The following HKDC1 variants were observed in gnomAD, a reference collection of about 807,000 sequenced individuals.
The protein encoded by HKDC1 is hexokinase domain containing 1, also known as hexokinase HKDC1.
In HKDC1, 66 loss-of-function variants were observed where a neutral mutation model predicts 96.6. That is an observed-to-expected ratio of 0.68 (90% CI 0.56 to 0.84). The LOEUF (loss-of-function observed/expected upper bound fraction) is 0.84, where lower values mean the gene tolerates loss of function less well. Ranked by LOEUF, HKDC1 falls within the 40% of genes least tolerant of loss-of-function variation. The probability of loss-of-function intolerance (pLI) is 0.00; values close to 1 mark genes in which losing one functional copy is unlikely to be tolerated. For missense variants in HKDC1, 1,211 were observed against 1,208.1 expected (o/e 1.00, Z -0.04); for synonymous variants, 466 against 473.1 (o/e 0.98, Z 0.20).
chr10:69,250,245 A>G, intron 10 of HKDC1, 45 bp from the exon 11 acceptor site: 2 of 1,588,774 alleles, frequency 1.3e-6, no homozygotes, highest in South Asian at 1.2e-5. Flanking sequence ...ATGCCCCGAC[A>G]CAAGTCCCTG....
Position 69,246,093 on chromosome 10 carries a change from T to C in HKDC1, c.890T>C (p.Ile297Thr). The C allele has an allele frequency of 6.2e-7, 1 of 1,614,168 alleles. No homozygotes were observed. Among genetic ancestry groups the C allele is most frequent in the Non-Finnish European group, 8.5e-7 (1 of 1,179,998 alleles). The change falls in exon 8 of 18, where the codon ATC becomes ACC. Residue 297 changes from isoleucine (I) to threonine (T), a missense_variant. Ile to Thr is a moderately conservative substitution (Grantham distance 89, BLOSUM62 -1). Coordinates refer to ENST00000354624, the MANE Select transcript of HKDC1 (RefSeq NM_025130.4). ...CCAACCTGCAGGTTCGAGAAGATGATCAGTGGCCTGTACCTGGGGGAGCTT... is the reference window on the plus strand; with the variant it reads ...CCAACCTGCAGGTTCGAGAAGATGACCAGTGGCCTGTACCTGGGGGAGCTT... ...NPGKQLFEKM[I>T]SGLYLGELVR...
At chr10:69,227,462 C>G (rs535890112) in intron 2 of HKDC1, 93 bp downstream of exon 2, 2 of 1,296,426 alleles carry the variant, frequency 1.5e-6, no homozygotes, top group South Asian at 2.8e-5. Context: ...CTTGGCTTCT[C>G]TCTCTAGCCC....
Position 69,232,917 on chromosome 10 carries a change from CT to C in HKDC1, c.375+6del. 1 of 1,612,226 alleles carries C rather than the reference CT, an allele frequency of 6.2e-7. No individual in the cohort carries two copies. The highest frequency in any genetic ancestry group is 8.5e-7 in the Non-Finnish European group (1 of 1,180,022). ...ATCCGCGGGAACGGCACAGAGGTAC[CT>C]GGCAGGTGGCTCCTGTGACCGCAGG... On this transcript the variant is annotated splice_donor_region_variant and intron_variant, in intron 3 of 17. Transcript: ENST00000354624.
intron 7 of HKDC1, among the ~76,000 whole-genome samples, chr10:69,243,976 C>G (rs191973059): frequency 6.6e-6 from 1 of 152,044 alleles, no homozygotes; most frequent in Non-Finnish European, 1.5e-5. Flanking sequence ...TAAGAGCACT[C>G]GGACGCTTGG....
intron 3 of HKDC1, 26 bp from the exon 4 acceptor site, chr10:69,232,988 T>C (rs778488861): frequency 1.2e-6 from 2 of 1,613,496 alleles, no homozygotes; most frequent in South Asian, 2.2e-5. Flanking sequence ...CCTTAGCCCA[T>C]GTACTTTGCT....
intron 7 of HKDC1, among the ~76,000 whole-genome samples, 198 bp from the exon 8 acceptor site, chr10:69,245,881 T>C (rs1843532849): frequency 6.6e-6 from 1 of 152,194 alleles, no homozygotes; most frequent in African/African-American, 2.4e-5. Flanking sequence ...GTCCCTATGC[T>C]CGATGTGAGA....
At chr10:69,222,320 T>C (rs1232722825) in intron 1 of HKDC1, among the ~76,000 whole-genome samples, 4 of 152,124 alleles carry the variant, frequency 2.6e-5, no homozygotes, top group Non-Finnish European at 5.9e-5. Flanking sequence ...ATTTAGAGAG[T>C]TGAGTTAGAG....
Position 69,246,158 on chromosome 10 carries a change from C to G in HKDC1, c.955C>G (p.Leu319Val). 1 of 1,614,228 alleles carries G rather than the reference C, an allele frequency of 6.2e-7. No individual in the cohort carries two copies. The highest frequency in any genetic ancestry group is 1.3e-5 in the African/African-American group (1 of 75,070). ...GCTGAAGATGGCCAAGGCTGGCCTC[C>G]TGTTTGGTGGTGAGAAATCTTCTGC... ...ILLKMAKAGL[L>V]FGGEKSSALH... The change falls in exon 8 of 18, where the codon CTG (leucine) becomes GTG (valine). Residue 319 changes from leucine to valine, a missense_variant. Transcript: ENST00000354624.
rs776156547 is a variant in HKDC1, at chr10:69,239,094, C to T, written c.548C>T (p.Thr183Met). The T allele has an allele frequency of 5.6e-5, 90 of 1,613,738 alleles. No homozygotes were observed. The highest frequency in any genetic ancestry group is 2.9e-4 in the East Asian group (13 of 44,890). The change falls in exon 5 of 18, where the codon ACG (threonine) becomes ATG (methionine). Residue 183 changes from threonine to methionine, a missense_variant. Thr to Met is a moderately conservative substitution (Grantham distance 81, BLOSUM62 -1). Coordinates refer to ENST00000354624, the MANE Select transcript of HKDC1 (RefSeq NM_025130.4). Reference protein sequence around the residue: ...KKFKARGVQDTDVVSRLTKAM... With the variant: ...KKFKARGVQDMDVVSRLTKAM... Reference sequence around the variant, plus strand: ...TTTAAGGCACGAGGAGTTCAGGACACGGATGTGGTGAGCCGTCTGACCAAA... The same window carrying T: ...TTTAAGGCACGAGGAGTTCAGGACATGGATGTGGTGAGCCGTCTGACCAAA...
Position 69,266,746 on chromosome 10 carries a change from AAGGAGAACT to A in HKDC1, c.2748_*2del, listed in dbSNP as rs775103496. On this transcript the variant is annotated stop_lost and inframe_deletion, in exon 18 of 18. Coordinates refer to ENST00000354624, the MANE Select transcript of HKDC1 (RefSeq NM_025130.4). ...GGCCAAGAGGTTACAGCAGGCACAG[AAGGAGAACT>A]AGGAACCCCTGGGATTGGACCTGAT... The A allele has an allele frequency of 2.5e-6, 4 of 1,611,884 alleles. No homozygotes were observed. The African/African-American group carries it at 5.3e-5, about 22-fold the overall frequency.
At chr10:69,242,658 G>A (rs1349571825) in intron 6 of HKDC1, among the ~76,000 whole-genome samples, 1 of 152,148 alleles carries the variant, frequency 6.6e-6, no homozygotes, top group Non-Finnish European at 1.5e-5. Flanking sequence ...TCCTTGGAGC[G>A]ATTTTGTGTT....
intron 8 of HKDC1, among the ~76,000 whole-genome samples, chr10:69,246,486 G>T (rs549479937): frequency 6.6e-6 from 1 of 152,334 alleles, no homozygotes; most frequent in East Asian, 1.9e-4. Context: ...TTGCCTTCTT[G>T]TTAAAGTGGT....
In HKDC1 at chr10:69,233,057, C is replaced by T. The variant is rs775556630; in HGVS notation, c.419C>T (p.Thr140Ile). 3.7e-6 allele frequency: 6 copies of T among 1,614,150 alleles called. No individual in the cohort carries two copies. The South Asian group carries it at 6.6e-5, about 18-fold the overall frequency. The part of the protein sequence containing the change: ...VADCLADFMK[T>I]KDLKHKKLPL... ...GACTGTCTGGCAGATTTCATGAAGACCAAAGATTTAAAGCATAAGAAATTG... is the reference window on the plus strand; with the variant it reads ...GACTGTCTGGCAGATTTCATGAAGATCAAAGATTTAAAGCATAAGAAATTG... The change falls in exon 4 of 18, where the codon ACC becomes ATC. Residue 140 changes from threonine (T) to isoleucine (I), a missense_variant. Coordinates refer to ENST00000354624, the MANE Select transcript of HKDC1 (RefSeq NM_025130.4).
Position 69,266,544 on chromosome 10 carries a change from T to C in HKDC1, c.2607-66T>C, listed in dbSNP as rs561784962. ...GGAAGAAGCTAAAGAAATTAGATTA[T>C]GATCATTTATAAATGTTCTGATTCT... On this transcript the variant is annotated intron_variant, in intron 17 of 17. Coordinates refer to ENST00000354624, the MANE Select transcript of HKDC1 (RefSeq NM_025130.4). 4 of 1,529,896 alleles carry C rather than the reference T, an allele frequency of 2.6e-6. No individual in the cohort carries two copies. In the East Asian group the frequency reaches 6.8e-5, roughly 26 times the overall value. 94.8% of individuals were successfully genotyped at this position (1,529,896 alleles called of 1,614,324 possible).
At chr10:69,261,625 T>C (rs1564737806) in intron 16 of HKDC1, 3 of 217,230 alleles carry the variant, frequency 1.4e-5, no homozygotes, top group Non-Finnish European at 2.8e-5. Context: ...AAAACATAAC[T>C]ACAGTACCAT....
In HKDC1 at chr10:69,227,201, T is replaced by C. The variant is rs375149091; in HGVS notation, c.64-6T>C. On this transcript the variant is annotated splice_polypyrimidine_tract_variant and splice_region_variant and intron_variant, in intron 1 of 17. Transcript: ENST00000354624. ...AGCACCCCTTGGTGGCCGGTGTCTG[T>C]TCCAGGTGGACAGGTTCCTGTATCA... 48 of 1,613,926 alleles carry C rather than the reference T, an allele frequency of 3.0e-5. 1 individual carries two copies. Among genetic ancestry groups the C allele is most frequent in the South Asian group, 1.9e-4 (17 of 91,080 alleles).
intron 6 of HKDC1, among the ~76,000 whole-genome samples, chr10:69,242,054 T>C (rs530303084): frequency 3.3e-5 from 5 of 152,366 alleles, no homozygotes; most frequent in African/African-American, 1.2e-4. Flanking sequence ...TGTTCTTGAA[T>C]ATCCCCTTCT....
At chr10:69,225,779 C>T (rs1843145362) in intron 1 of HKDC1, 1 of 152,162 alleles carries the variant, frequency 6.6e-6, no homozygotes, top group African/African-American at 2.4e-5. Flanking sequence ...TGTTACAGTC[C>T]CACGTAGCCA....
At chr10:69,249,798 CGGAG>C (rs1480730667) in intron 10 of HKDC1, among the ~76,000 whole-genome samples, 3 of 152,198 alleles carry the variant, frequency 2.0e-5, no homozygotes, top group Admixed American at 1.3e-4. Context: ...CGCGCCAGAC[CGGAG>C]GCCCCTTGAG....
Sources: gnomAD v4.1 joint callset for allele counts (sites outside exome capture counted in the v4.1 genomes callset) on GRCh38, gnomAD v4.1.1 for gene constraint, MANE v1.5 for transcripts, NCBI Gene and HGNC (gene_info 2026-07-23, HGNC 2026-07-21) for gene names.